Variants in ADCY5 observed in about 807,000 individuals in gnomAD.
ADCY5 encodes the protein adenylate cyclase 5, also known as adenylate cyclase type 5.
In ADCY5, 30 loss-of-function variants were observed where a neutral mutation model predicts 119.7. That is an observed-to-expected ratio of 0.25 (90% CI 0.19 to 0.34). The LOEUF (loss-of-function observed/expected upper bound fraction) is 0.34. Ranked by LOEUF, ADCY5 falls within the 10% of genes least tolerant of loss-of-function variation. The probability of loss-of-function intolerance (pLI) is 1.00; values close to 1 mark genes in which losing one functional copy is unlikely to be tolerated. For missense variants in ADCY5, 1,324 were observed against 1,775.2 expected (o/e 0.75, Z 4.57); for synonymous variants, 753 against 762.2 (o/e 0.99, Z 0.20).
At chr3:123,296,013 G>A (rs1421871022) in intron 17 of ADCY5, 71 bp downstream of exon 17, 23 of 1,583,376 alleles carry the variant, frequency 1.5e-5, no homozygotes, top group Non-Finnish European at 1.8e-5. Context: ...TGGCCCAGCA[G>A]ACGAGCCTGT....
At chr3:123,331,769 C>A (rs1941775255) in intron 4 of ADCY5, among the ~76,000 whole-genome samples, 1 of 152,178 alleles carries the variant, frequency 6.6e-6, no homozygotes, top group African/African-American at 2.4e-5. Context: ...ATTTGAGACC[C>A]AAGTGACAAG....
Position 123,379,577 on chromosome 3 carries a change from G to T in ADCY5, c.1135-26996C>A, listed in dbSNP as rs560590408. Among the ~76,000 whole-genome samples, 64 of 152,122 alleles carry T rather than the reference G, an allele frequency of 4.2e-4. 1 individual carries two copies. Among genetic ancestry groups the T allele is most frequent in the Non-Finnish European group, 6.2e-4 (42 of 68,024 alleles). ...GCAGCCACCATCGCTGCTGTGAAGT[G>T]CAGGGAGCAGTGGGAAGGGAGAGAG... On this transcript the variant is annotated intron_variant, in intron 1 of 20. Transcript: ENST00000462833.
chr3:123,308,461 G>T (rs991090602), intron 12 of ADCY5, among the ~76,000 whole-genome samples: 3 of 152,166 alleles, frequency 2.0e-5, no homozygotes, highest in African/African-American at 7.2e-5. Flanking sequence ...TTTAAAGAGT[G>T]TCTCATCTCC....
At chr3:123,382,134 G>C (rs950323686) in intron 1 of ADCY5, among the ~76,000 whole-genome samples, 6 of 152,108 alleles carry the variant, frequency 3.9e-5, no homozygotes, top group Non-Finnish European at 1.5e-5. Flanking sequence ...TCTGGCTGTT[G>C]CTTCTGCATG....
intron 1 of ADCY5, among the ~76,000 whole-genome samples, chr3:123,408,223 G>C (rs1265877891): frequency 6.6e-6 from 1 of 152,062 alleles, no homozygotes; most frequent in African/African-American, 2.4e-5. Context: ...GCATGAACAT[G>C]GTCGTAACAC....
At chr3:123,357,190 G>A (rs1943068520) in intron 1 of ADCY5, among the ~76,000 whole-genome samples, 1 of 151,080 alleles carries the variant, frequency 6.6e-6, no homozygotes, top group Non-Finnish European at 1.5e-5. Flanking sequence ...TACACCTGCA[G>A]AACAATGCAC....
At chr3:123,360,982 G>A (rs1031085123) in intron 1 of ADCY5, among the ~76,000 whole-genome samples, 2 of 152,182 alleles carry the variant, frequency 1.3e-5, no homozygotes, top group African/African-American at 4.8e-5. Flanking sequence ...CTGCAGAACT[G>A]GGATCACAGC....
intron 1 of ADCY5, among the ~76,000 whole-genome samples, chr3:123,445,559 T>C (rs771965686): frequency 5.3e-5 from 8 of 152,200 alleles, no homozygotes; most frequent in Non-Finnish European, 7.3e-5. Flanking sequence ...AACAACCATC[T>C]GAAAGCACGA....
intron 8 of ADCY5, among the ~76,000 whole-genome samples, chr3:123,324,747 G>A (rs1361284332): frequency 6.6e-6 from 1 of 152,176 alleles, no homozygotes; most frequent in African/African-American, 2.4e-5. Context: ...CCCGACCATG[G>A]CCTCCCCGAC....
intron 3 of ADCY5, among the ~76,000 whole-genome samples, chr3:123,336,408 T>A (rs569904246): frequency 6.6e-6 from 1 of 152,280 alleles, no homozygotes; most frequent in South Asian, 2.1e-4. Context: ...TCAGTGAGTA[T>A]CCCCTTGGCC....
intron 1 of ADCY5, among the ~76,000 whole-genome samples, chr3:123,353,614 T>C (rs527731344): frequency 6.6e-6 from 1 of 152,328 alleles, no homozygotes; most frequent in East Asian, 1.9e-4. Context: ...CTGCACCTTC[T>C]GCTGTGGCTC....
intron 1 of ADCY5, among the ~76,000 whole-genome samples, chr3:123,416,703 T>C (rs28666839): frequency 0.058 from 8,828 of 152,190 alleles, 577 homozygotes; most frequent in African/African-American, 0.16. Context: ...GAGGGCTCAC[T>C]GGCCAGCAAG....
chr3:123,331,359 GA>G (rs1941755946), intron 4 of ADCY5, among the ~76,000 whole-genome samples: 1 of 152,220 alleles, frequency 6.6e-6, no homozygotes, highest in Admixed American at 6.5e-5. Context: ...TCAGCTTAAG[GA>G]AGGCCCCAAG....
chr3:123,347,882 GGACA>G lies in ADCY5; in HGVS notation c.1302_1305del (p.Val435PhefsTer9). The G allele has an allele frequency of 6.2e-7, 1 of 1,614,114 alleles. No individual in the cohort carries two copies. The highest frequency in any genetic ancestry group is 8.5e-7 in the Non-Finnish European group (1 of 1,180,014). On this transcript the variant is annotated frameshift_variant, in exon 3 of 21. Coordinates refer to ENST00000462833, the MANE Select transcript of ADCY5 (RefSeq NM_183357.3). LOFTEE classifies it high-confidence loss of function. The stretch of plus-strand genomic sequence containing the variant: ...ATCTCCATGGCAACATGACGGGGAA[GGACA>G]GACAGCAGGAGCCGTTCCTGCAGAG...
chr3:123,300,917 G>A (rs192338608), intron 14 of ADCY5, among the ~76,000 whole-genome samples: 214 of 152,282 alleles, frequency 1.4e-3, no homozygotes, highest in Middle Eastern at 3.4e-3. Flanking sequence ...ACCATTTCAT[G>A]ATCAGACTCC....
chr3:123,310,103 TACACACACAC>T lies in ADCY5; in HGVS notation c.2442+4122_2442+4131del, dbSNP rs60966110. ...GGCTGGGGGATAAGAGAGAGAGATTTACACACACACACACACACACACACACACACACACA... is the reference window on the plus strand; with the variant it reads ...GGCTGGGGGATAAGAGAGAGAGATTTACACACACACACACACACACACACA... On this transcript the variant is annotated intron_variant, in intron 12 of 20. Transcript: ENST00000462833. 3.2e-3 allele frequency among the ~76,000 whole-genome samples: 387 copies of T among 121,214 alleles called. 4 individuals carry two copies. The South Asian group carries it at 0.046, about 14-fold the overall frequency. 79.5% of individuals were successfully genotyped at this position (121,214 alleles called of 152,430 possible).
Position 123,300,457 on chromosome 3 carries a change from T to G in ADCY5, c.2725-162A>C, listed in dbSNP as rs1939783175. On this transcript the variant is annotated intron_variant, in intron 14 of 20. Transcript: ENST00000462833. ...AGGTGTGATATAAAGTGAAGGGCCC[T>G]GGTTAGGAACCAGGAGATGGGCTCC... is the stretch of plus-strand genomic sequence containing the variant. Among the ~76,000 whole-genome samples, 7 of 152,196 alleles carry G rather than the reference T, an allele frequency of 4.6e-5. No individual in the cohort carries two copies. In the South Asian group the frequency reaches 1.4e-3, roughly 32 times the overall value.
At chr3:123,425,506 A>G (rs564092981) in intron 1 of ADCY5, among the ~76,000 whole-genome samples, 23 of 152,348 alleles carry the variant, frequency 1.5e-4, no homozygotes, top group South Asian at 4.1e-4. Flanking sequence ...ATGAAGTTAC[A>G]GAAGGAAGTA....
At chr3:123,358,793 C>T (rs1050234195) in intron 1 of ADCY5, among the ~76,000 whole-genome samples, 1 of 152,190 alleles carries the variant, frequency 6.6e-6, no homozygotes, top group Non-Finnish European at 1.5e-5. Context: ...CCCAGCACTT[C>T]TGAAACCCAA....
Sources: gnomAD v4.1 joint callset for allele counts (sites outside exome capture counted in the v4.1 genomes callset) on GRCh38, gnomAD v4.1.1 for gene constraint, MANE v1.5 for transcripts, NCBI Gene and HGNC (gene_info 2026-07-23, HGNC 2026-07-21) for gene names.